The following RBFOX3 variants were observed in gnomAD, a reference collection of about 807,000 sequenced individuals.
RBFOX3 encodes the protein RNA binding protein fox-1 homolog 3.
RBFOX3 carries 17 observed loss-of-function variants against 48.7 expected under a neutral mutation model. The observed-to-expected ratio is 0.35, with a 90% CI of 0.24 to 0.52. The LOEUF (loss-of-function observed/expected upper bound fraction) is 0.52. Among genes scored for constraint, RBFOX3 ranks in the 20% least tolerant of loss-of-function variants. The pLI is 0.94. For synonymous variants in RBFOX3, 212 were observed against 209.5 expected (o/e 1.01, Z -0.10); for missense variants, 382 against 497.5 (o/e 0.77, Z 2.21).
Position 79,547,347 on chromosome 17 carries a change from C to T in RBFOX3, c.-320+63479G>A, listed in dbSNP as rs181097325. 8.5e-5 allele frequency among the ~76,000 whole-genome samples: 13 copies of T among 152,150 alleles called. No individual in the cohort carries two copies. In the East Asian group the frequency reaches 1.2e-3, roughly 14 times the overall value. On this transcript the variant is annotated intron_variant, in intron 1 of 14. Coordinates refer to ENST00000693108, the MANE Select transcript of RBFOX3 (RefSeq NM_001350451.2). ...GCGCACGCCTGTAATCCCAGCTACT[C>T]GGGAGGCCGAGGCAGGAGAATTGCT...
chr17:79,097,400 G>A lies in RBFOX3; in HGVS notation c.647C>T (p.Thr216Ile), dbSNP rs1671568075. ...YAVTGFPYPT[T>I]GTAVAYRGAH... Reference sequence around the variant, plus strand: ...GCCCCGGTAGGCAACGGCTGTGCCGGTGGTGGGGTAGGGGAACCCCGTCAC... The same window carrying A: ...GCCCCGGTAGGCAACGGCTGTGCCGATGGTGGGGTAGGGGAACCCCGTCAC... The change falls in exon 11 of 15, where the codon ACC becomes ATC. Residue 216 changes from threonine (T) to isoleucine (I), a missense_variant. Around this residue, in one of 3 missense-constraint regions of RBFOX3, gnomAD observed 215 missense variants for 254.8 expected, o/e 0.84. Transcript: ENST00000693108. 2.6e-6 allele frequency: 4 copies of A among 1,547,812 alleles called. No individual in the cohort carries two copies. Among genetic ancestry groups the A allele is most frequent in the African/African-American group, 2.7e-5 (2 of 72,928 alleles).
chr17:79,448,509 G>T (rs2072808715), intron 2 of RBFOX3, among the ~76,000 whole-genome samples: 1 of 152,204 alleles, frequency 6.6e-6, no homozygotes. Context: ...AGGGACTGCA[G>T]CAATGCCTCT....
chr17:79,558,193 G>C (rs1599151438), intron 1 of RBFOX3, among the ~76,000 whole-genome samples: 1 of 152,198 alleles, frequency 6.6e-6, no homozygotes, highest in East Asian at 1.9e-4. Flanking sequence ...TACCCTCAGA[G>C]GAGCTGAGAG....
chr17:79,521,664 G>A (rs1047788998), intron 1 of RBFOX3, among the ~76,000 whole-genome samples: 2 of 151,184 alleles, frequency 1.3e-5, no homozygotes, highest in African/African-American at 4.9e-5. Context: ...TTCATGCATA[G>A]ACATATGAAC....
the RBFOX3 span, among the ~76,000 whole-genome samples, chr17:79,629,976 G>A: frequency 6.6e-5 from 10 of 152,180 alleles, no homozygotes; most frequent in Admixed American, 2.6e-4. Context: ...GTAAGTGGAC[G>A]ACGGGCTATT....
intron 4 of RBFOX3, among the ~76,000 whole-genome samples, chr17:79,191,365 C>T (rs1156875574): frequency 6.6e-6 from 1 of 152,158 alleles, no homozygotes; most frequent in Non-Finnish European, 1.5e-5. Context: ...TGCCTGTAGC[C>T]CCAGCCCCAG....
intron 4 of RBFOX3, among the ~76,000 whole-genome samples, chr17:79,145,780 C>T (rs1331168434): frequency 1.3e-5 from 2 of 152,144 alleles, no homozygotes; most frequent in Middle Eastern, 3.4e-3. Context: ...GCGGCCCACA[C>T]GGGGGCTCTC....
At chr17:79,219,027 T>G (rs544802599) in intron 4 of RBFOX3, among the ~76,000 whole-genome samples, 1 of 152,340 alleles carries the variant, frequency 6.6e-6, no homozygotes, top group East Asian at 1.9e-4. Context: ...GACCCCCTGC[T>G]GGACCCACAG....
intron 2 of RBFOX3, among the ~76,000 whole-genome samples, chr17:79,316,697 C>T (rs1469790364): frequency 2.6e-5 from 4 of 152,228 alleles, no homozygotes; most frequent in African/African-American, 9.7e-5. Context: ...AAACCTCATT[C>T]CAGTGACAGT....
chr17:79,573,842 G>T (rs1434774211), intron 1 of RBFOX3, among the ~76,000 whole-genome samples: 14 of 152,178 alleles, frequency 9.2e-5, no homozygotes, highest in African/African-American at 3.4e-4. Context: ...GCAGAGCCAC[G>T]CGGGCACGTT....
chr17:79,282,757 C>T (rs2070864942), intron 3 of RBFOX3, among the ~76,000 whole-genome samples: 1 of 152,232 alleles, frequency 6.6e-6, no homozygotes, highest in Non-Finnish European at 1.5e-5. Flanking sequence ...CTTCCAAACC[C>T]AGCACAACCA....
chr17:79,646,853 C>A, the RBFOX3 span, among the ~76,000 whole-genome samples: 1 of 152,194 alleles, frequency 6.6e-6, no homozygotes, highest in Non-Finnish European at 1.5e-5. Flanking sequence ...AAGTGCTGAT[C>A]CATCTGCCTG....
rs116196876 is a variant in RBFOX3, at chr17:79,332,384, G to A, written c.-174-24560C>T. Among the ~76,000 whole-genome samples, 1,032 of 152,258 alleles carry A rather than the reference G, an allele frequency of 6.8e-3. 12 individuals are homozygous for A. The highest frequency in any genetic ancestry group is 0.023 in the African/African-American group (952 of 41,524). ...TTTGTGATAAATCAATAAACTGCTCGGGGTGGGAGAGGGAAAGGGATAGAT... is the reference window on the plus strand; with the variant it reads ...TTTGTGATAAATCAATAAACTGCTCAGGGTGGGAGAGGGAAAGGGATAGAT... On this transcript the variant is annotated intron_variant, in intron 2 of 14. Transcript: ENST00000693108.
At chr17:79,247,619 T>A (rs1023676421) in intron 3 of RBFOX3, among the ~76,000 whole-genome samples, 1 of 152,174 alleles carries the variant, frequency 6.6e-6, no homozygotes, top group Non-Finnish European at 1.5e-5. Context: ...GCCCCCATGT[T>A]GTTTTAATTT....
intron 1 of RBFOX3, among the ~76,000 whole-genome samples, chr17:79,527,090 T>A (rs2086898684): frequency 6.6e-6 from 1 of 152,084 alleles, no homozygotes; most frequent in Admixed American, 6.5e-5. Flanking sequence ...CTGGATCCTA[T>A]CTTCTCTTCC....
intron 2 of RBFOX3, among the ~76,000 whole-genome samples, chr17:79,441,255 C>T (rs1159756470): frequency 1.1e-4 from 16 of 152,332 alleles, no homozygotes; most frequent in Middle Eastern, 3.4e-3. Flanking sequence ...GGGTCCTGGG[C>T]GTGCCTCCTT....
the RBFOX3 span, among the ~76,000 whole-genome samples, chr17:79,625,884 C>T: frequency 2.0e-5 from 3 of 152,214 alleles, no homozygotes; most frequent in Non-Finnish European, 2.9e-5. Context: ...TGGCTGCGGC[C>T]GCTAGGGCAT....
intron 2 of RBFOX3, among the ~76,000 whole-genome samples, chr17:79,372,046 C>A (rs376050566): frequency 2.0e-5 from 3 of 152,250 alleles, no homozygotes; most frequent in Non-Finnish European, 2.9e-5. Context: ...ACCCTCCTCG[C>A]AGACGCTTCA....
chr17:79,535,604 G>T lies in RBFOX3; in HGVS notation c.-319-53006C>A, dbSNP rs559381343. Among the ~76,000 whole-genome samples, 3 of 152,176 alleles carry T rather than the reference G, an allele frequency of 2.0e-5. No homozygotes were observed. Among genetic ancestry groups the T allele is most frequent in the African/African-American group, 7.2e-5 (3 of 41,430 alleles). ...GCTTGCAGGTCTGCTGCATGGCTGC[G>T]GTCCTGGCCAGACCACATTCTGGGC... is the stretch of plus-strand genomic sequence containing the variant. On this transcript the variant is annotated intron_variant, in intron 1 of 14. Transcript: ENST00000693108. This position sits in a 1 kb window ranked among gnomAD's most constrained non-coding sequence, Gnocchi z 4.5.
Sources: gnomAD v4.1 joint callset for allele counts (sites outside exome capture counted in the v4.1 genomes callset) on GRCh38, gnomAD v4.1.1 for gene constraint, gnomAD v4.1.1 regional missense constraint, Gnocchi (gnomAD v3.1) non-coding constraint, MANE v1.5 for transcripts, NCBI Gene and HGNC (gene_info 2026-07-23, HGNC 2026-07-21) for gene names.